CEP55: variants seen among roughly 807,000 people sequenced by gnomAD.
CEP55 encodes the protein centrosomal protein 55.
Under a neutral mutation model 63.2 loss-of-function variants are expected in CEP55, and 57 were observed. That is an observed-to-expected ratio of 0.90 (90% CI 0.73 to 1.13). CEP55 has a LOEUF of 1.13. Ranked by LOEUF, CEP55 falls within the 50% of genes most tolerant of loss-of-function variation. The pLI, the probability that CEP55 is intolerant of heterozygous loss-of-function variation, is 0.00. For missense variants in CEP55, 456 were observed against 518.9 expected (o/e 0.88, Z 1.18); for synonymous variants, 178 against 191.6 (o/e 0.93, Z 0.59).
chr10:93,517,233 A>G lies in CEP55; in HGVS notation c.978A>G (p.Glu326=). Residue 326 remains glutamate, a synonymous_variant, in exon 6 of 9, where the codon GAA becomes GAG. Transcript: ENST00000371485. The stretch of plus-strand genomic sequence containing the variant: ...TTGAAGAAGAGAAGAAGAGATCCGA[A>G]GAGCTCTTATCTCAGGTAAACTTAA... The part of the protein sequence containing the change: ...GKLEEEKKRS[E]ELLSQVQFLY... 1 of 1,599,730 alleles carries G rather than the reference A, an allele frequency of 6.3e-7. No homozygotes were observed. Among genetic ancestry groups the G allele is most frequent in the Non-Finnish European group, 8.5e-7 (1 of 1,173,160 alleles).
chr10:93,503,227 T>G lies in CEP55; in HGVS notation c.298T>G (p.Leu100Val), dbSNP rs201619428. ...GAAGGCCAGATATAGTACTACCACA[T>G]TGCTTGAACAGCTGGAAGAGACAAC... is the stretch of plus-strand genomic sequence containing the variant. Reference protein sequence around the residue: ...QLKARYSTTTLLEQLEETTRE... With the variant: ...QLKARYSTTTVLEQLEETTRE... The change falls in exon 3 of 9, where the codon TTG becomes GTG. Residue 100 changes from leucine (L) to valine (V), a missense_variant. Coordinates refer to ENST00000371485, the MANE Select transcript of CEP55 (RefSeq NM_018131.5). 1.9e-6 allele frequency: 3 copies of G among 1,614,002 alleles called. No individual in the cohort carries two copies. Among genetic ancestry groups the G allele is most frequent in the Non-Finnish European group, 2.5e-6 (3 of 1,179,948 alleles).
chr10:93,524,808 C>T (rs1407981096), intron 8 of CEP55, among the ~76,000 whole-genome samples: 9 of 152,162 alleles, frequency 5.9e-5, no homozygotes, highest in Non-Finnish European at 1.2e-4. Flanking sequence ...TAAACGTAAT[C>T]CAGCATATAA....
intron 6 of CEP55, 96 bp downstream of exon 6, chr10:93,517,344 C>A (rs1750869162): frequency 4.5e-6 from 4 of 893,554 alleles, no homozygotes; most frequent in Admixed American, 2.7e-5. Context: ...AGGGACAAAA[C>A]AAATTCCTGC....
At chr10:93,523,265 C>CA (rs918098089) in intron 8 of CEP55, among the ~76,000 whole-genome samples, 33 of 151,746 alleles carry the variant, frequency 2.2e-4, no homozygotes, top group African/African-American at 7.5e-4. Context: ...AAATAGAAAA[C>CA]AAAAAAAGGC....
intron 8 of CEP55, 47 bp from the exon 9 acceptor site, chr10:93,527,903 A>G (rs992443920): frequency 1.3e-6 from 2 of 1,516,882 alleles, no homozygotes; most frequent in South Asian, 2.4e-5. Context: ...AAAAAGCTGA[A>G]CATTGGCCCT....
In CEP55 at chr10:93,524,013, C is replaced by T. The variant is rs1318547223; in HGVS notation, c.1192-3937C>T. On this transcript the variant is annotated intron_variant, in intron 8 of 8. Transcript: ENST00000371485. Reference sequence around the variant, plus strand: ...GAAAGATCTAAAACTGACACCCTAACGTCACAATTAAAAGAACTAGAGAAG... The same window carrying T: ...GAAAGATCTAAAACTGACACCCTAATGTCACAATTAAAAGAACTAGAGAAG... Among the ~76,000 whole-genome samples the T allele has an allele frequency of 5.9e-5, 9 of 152,040 alleles. No individual in the cohort carries two copies. In the South Asian group the frequency reaches 6.2e-4, roughly 11 times the overall value.
chr10:93,517,149 G>A lies in CEP55; in HGVS notation c.894G>A (p.Arg298=). ...RADVQHLEDD[R]HKTEKIQKLR... ...ATGTGCAACATCTGGAAGATGATAG[G>A]CATAAAACAGAGAAGATACAAAAAC... Residue 298 remains arginine, a synonymous_variant, in exon 6 of 9, where the codon AGG becomes AGA. Coordinates refer to ENST00000371485, the MANE Select transcript of CEP55 (RefSeq NM_018131.5). 6.2e-7 allele frequency: 1 copy of A among 1,613,808 alleles called. No individual in the cohort carries two copies.
intron 3 of CEP55, among the ~76,000 whole-genome samples, chr10:93,506,618 A>C (rs2057691129): frequency 6.6e-6 from 1 of 152,044 alleles, no homozygotes; most frequent in Non-Finnish European, 1.5e-5. Context: ...CTCAGGCTGG[A>C]GTGCAGTGGC....
At chr10:93,519,616 G>C in intron 7 of CEP55, 66 bp from the exon 8 acceptor site, 1 of 1,537,584 alleles carries the variant, frequency 6.5e-7, no homozygotes, top group Admixed American at 2.1e-5. Flanking sequence ...AAAAATGTGA[G>C]CATCCAGTCA....
chr10:93,498,832 T>G (rs2057601739), intron 1 of CEP55, among the ~76,000 whole-genome samples: 2 of 151,966 alleles, frequency 1.3e-5, no homozygotes, highest in Admixed American at 1.3e-4. Context: ...TTAAACCAGT[T>G]TACACCCAGC....
intron 8 of CEP55, among the ~76,000 whole-genome samples, chr10:93,526,520 A>G (rs1347491102): frequency 2.6e-5 from 4 of 152,238 alleles, no homozygotes; most frequent in African/African-American, 4.8e-5. Flanking sequence ...TGTGGAAGTC[A>G]GTGTGGCAAT....
At chr10:93,516,736 T>C (rs528518394) in intron 5 of CEP55, among the ~76,000 whole-genome samples, 199 bp from the exon 6 acceptor site, 1 of 152,328 alleles carries the variant, frequency 6.6e-6, no homozygotes, top group Admixed American at 6.5e-5. Flanking sequence ...GTTCTTCTAT[T>C]TGTGAGTTTT....
At chr10:93,517,275 G>T in intron 6 of CEP55, 27 bp downstream of exon 6, 1 of 1,540,456 alleles carries the variant, frequency 6.5e-7, no homozygotes, top group South Asian at 1.2e-5. Context: ...CCATAATTCA[G>T]AGTGTTCACC....
intron 4 of CEP55, among the ~76,000 whole-genome samples, chr10:93,514,086 G>A (rs148670076): frequency 3.3e-5 from 5 of 152,194 alleles, no homozygotes; most frequent in African/African-American, 1.2e-4. Flanking sequence ...TGGGACTGCA[G>A]GTACGTGCCA....
intron 8 of CEP55, 53 bp from the exon 9 acceptor site, chr10:93,527,897 A>AC (rs397695079): frequency 1.3e-6 from 2 of 1,492,576 alleles, no homozygotes; most frequent in African/African-American, 1.4e-5. Context: ...AAAAAAAAAA[A>AC]GCTGAACATT....
At chr10:93,523,746 A>G (rs568980561) in intron 8 of CEP55, among the ~76,000 whole-genome samples, 13,929 of 152,230 alleles carry the variant, frequency 0.091, 785 homozygotes, top group Non-Finnish European at 0.12. Flanking sequence ...TGTCTCTCAG[A>G]CCACAGTGCA....
intron 8 of CEP55, 59 bp from the exon 9 acceptor site, chr10:93,527,891 A>AG (rs962526151): frequency 1.3e-6 from 2 of 1,496,642 alleles, no homozygotes; most frequent in Non-Finnish European, 1.8e-6. Flanking sequence ...AAAAAGAAAA[A>AG]AAAAAAGCTG....
chr10:93,518,805 G>A, intron 6 of CEP55, 72 bp from the exon 7 acceptor site: 1 of 1,016,880 alleles, frequency 9.8e-7, no homozygotes, highest in Admixed American at 2.0e-5. Context: ...TGTGATGTGA[G>A]CTTTCCGTGC....
chr10:93,507,817 T>A (rs965302068), intron 4 of CEP55, among the ~76,000 whole-genome samples: 6 of 151,748 alleles, frequency 4.0e-5, no homozygotes, highest in Non-Finnish European at 8.8e-5. Context: ...CCCGGCTAAT[T>A]TTTATTTTTA....
Sources: gnomAD v4.1 joint callset for allele counts (sites outside exome capture counted in the v4.1 genomes callset) on GRCh38, gnomAD v4.1.1 for gene constraint, MANE v1.5 for transcripts, NCBI Gene and HGNC (gene_info 2026-07-23, HGNC 2026-07-21) for gene names.